WSB1: variants seen among roughly 807,000 people sequenced by gnomAD.
The protein encoded by WSB1 is WD repeat and SOCS box-containing protein 1.
WSB1 carries 23 observed loss-of-function variants against 50.2 expected under a neutral mutation model. That is an observed-to-expected ratio of 0.46 (90% CI 0.33 to 0.65). The LOEUF (loss-of-function observed/expected upper bound fraction) is 0.65, where lower values mean the gene tolerates loss of function less well. WSB1 is among the 30% of genes least tolerant of loss of function. The pLI, the probability that WSB1 is intolerant of heterozygous loss-of-function variation, is 0.02. For missense variants in WSB1, 492 were observed against 522.3 expected (o/e 0.94, Z 0.56); for synonymous variants, 179 against 172.0 (o/e 1.04, Z -0.32).
At chr17:27,309,054 C>G in intron 5 of WSB1, 46 bp from the exon 6 acceptor site, 1 of 1,500,238 alleles carries the variant, frequency 6.7e-7, no homozygotes, top group Non-Finnish European at 8.9e-7. Flanking sequence ...CCATTTTGTC[C>G]TCTGTATGTC....
intron 4 of WSB1, among the ~76,000 whole-genome samples, chr17:27,305,212 A>G (rs1444538068): frequency 6.6e-6 from 1 of 152,336 alleles, no homozygotes; most frequent in East Asian, 1.9e-4. Flanking sequence ...TACAGGAACC[A>G]GTCTGTGTTT....
At chr17:27,307,953 CT>C in intron 5 of WSB1, 1 of 1,249,930 alleles carries the variant, frequency 8.0e-7, no homozygotes, top group Non-Finnish European at 1.0e-6. Context: ...GCTTTTCTTT[CT>C]TTCTTTTTTT....
At chr17:27,304,191 A>T (rs1439091282) in intron 3 of WSB1, among the ~76,000 whole-genome samples, 1 of 152,236 alleles carries the variant, frequency 6.6e-6, no homozygotes, top group African/African-American at 2.4e-5. Context: ...ATTAGAACAT[A>T]ACAAGTGATA....
chr17:27,308,918 T>C, intron 5 of WSB1, 182 bp from the exon 6 acceptor site: 1 of 1,217,292 alleles, frequency 8.2e-7, no homozygotes, highest in South Asian at 3.8e-5. Flanking sequence ...TTTGCATGTC[T>C]GCCTTAATTA....
At chr17:27,311,755 C>G in intron 8 of WSB1, 139 bp downstream of exon 8, 2 of 654,154 alleles carry the variant, frequency 3.1e-6, no homozygotes, top group Non-Finnish European at 5.0e-6. Context: ...CCTCAGCCTC[C>G]CGAGTAGCTG....
chr17:27,298,483 A>C (rs1162480046), intron 1 of WSB1, among the ~76,000 whole-genome samples: 2 of 152,146 alleles, frequency 1.3e-5, no homozygotes, highest in Non-Finnish European at 2.9e-5. Context: ...CGCTTTGGGA[A>C]ACCAAGGTGG....
intron 1 of WSB1, 29 bp downstream of exon 1, chr17:27,294,464 T>G (rs1344371259): frequency 6.2e-7 from 1 of 1,610,726 alleles, no homozygotes; most frequent in Non-Finnish European, 8.5e-7. Context: ...GGTGGGCGCA[T>G]GAGGGCCGAG....
In WSB1 at chr17:27,309,256, A is replaced by G. The variant is rs750382761; in HGVS notation, c.868A>G (p.Ile290Val). The G allele has an allele frequency of 1.9e-6, 3 of 1,606,164 alleles. No homozygotes were observed. The highest frequency in any genetic ancestry group is 2.2e-5 in the East Asian group (1 of 44,680). The change falls in exon 6 of 9, where the codon ATT becomes GTT. Residue 290 changes from isoleucine (I) to valine (V), a missense_variant. Transcript: ENST00000262394. ...VYIWDPHNGD[I>V]LMEFGHLFPP... ...TATCTGGGATCCACATAATGGAGAC[A>G]TTCTGATGGAATTTGGGTGGGTACA...
chr17:27,309,459 T>G (rs149553596), intron 6 of WSB1, among the ~76,000 whole-genome samples, 187 bp downstream of exon 6: 3,025 of 152,322 alleles, frequency 0.02, 54 homozygotes, highest in Middle Eastern at 0.061. Context: ...TTTGGCTCTC[T>G]TGATACAAGT....
chr17:27,308,617 A>T, intron 5 of WSB1: 2 of 985,892 alleles, frequency 2.0e-6, no homozygotes, highest in Non-Finnish European at 2.4e-6. Context: ...CAAGTTGGTG[A>T]CCCAAGCCTA....
intron 1 of WSB1, among the ~76,000 whole-genome samples, chr17:27,296,705 G>A (rs1318526959): frequency 6.6e-6 from 1 of 152,186 alleles, no homozygotes; most frequent in Non-Finnish European, 1.5e-5. Flanking sequence ...CAGATGGTAT[G>A]TTACTGTTTT....
intron 5 of WSB1, chr17:27,308,029 T>G (rs752093595): frequency 4.6e-5 from 55 of 1,208,178 alleles, no homozygotes; most frequent in Non-Finnish European, 5.2e-5. Flanking sequence ...ATTTTCCAGT[T>G]TTATGGAATT....
chr17:27,315,097 A>AT lies in WSB1; in HGVS notation c.*2732dup, dbSNP rs773879550. 1.8e-4 allele frequency: 27 copies of AT among 152,166 alleles called. No homozygotes were observed. Among genetic ancestry groups the AT allele is most frequent in the Non-Finnish European group, 3.2e-4 (22 of 68,040 alleles). The allele number at this position is 152,166 out of a possible 1,614,324, so 9.4% of individuals were successfully genotyped here. A position where few individuals can be genotyped will look rare whatever the true frequency, so the allele number is the denominator to read the frequency against. Reference sequence around the variant, plus strand: ...ATATGTCAAGTAGAAACATGTTTGAATTTTCCATTTGTCTGTGGGGAAGAA... The same window carrying AT: ...ATATGTCAAGTAGAAACATGTTTGAATTTTTCCATTTGTCTGTGGGGAAGAA... On this transcript the variant is annotated 3_prime_UTR_variant, in exon 9 of 9. Coordinates refer to ENST00000262394, the MANE Select transcript of WSB1 (RefSeq NM_015626.10).
intron 4 of WSB1, among the ~76,000 whole-genome samples, chr17:27,306,493 A>G (rs1305210179): frequency 6.6e-6 from 1 of 152,018 alleles, no homozygotes; most frequent in African/African-American, 2.4e-5. Flanking sequence ...GGAATTACAG[A>G]CAAGAGCCAC....
At chr17:27,308,819 G>A (rs937909829) in intron 5 of WSB1, 155 of 1,042,048 alleles carry the variant, frequency 1.5e-4, no homozygotes, top group East Asian at 3.7e-4. Context: ...ATGGATTTCA[G>A]TATAGCTTTG....
chr17:27,303,243 A>G (rs991079609), intron 2 of WSB1, 124 bp from the exon 3 acceptor site: 15 of 1,076,116 alleles, frequency 1.4e-5, no homozygotes, highest in African/African-American at 3.2e-5. Context: ...ATAGGATTCT[A>G]TTGTTATTTG....
chr17:27,299,843 G>A (rs1170610248), intron 1 of WSB1, among the ~76,000 whole-genome samples: 2 of 152,134 alleles, frequency 1.3e-5, no homozygotes, highest in African/African-American at 4.8e-5. Context: ...TCTTAGGTCA[G>A]AATCAGTACT....
chr17:27,295,565 A>G (rs2016922721), intron 1 of WSB1, among the ~76,000 whole-genome samples: 1 of 152,126 alleles, frequency 6.6e-6, no homozygotes. Flanking sequence ...AAAAAGGGAA[A>G]AAATTGTAGC....
chr17:27,301,616 G>C (rs779968966), intron 1 of WSB1, among the ~76,000 whole-genome samples, 172 bp from the exon 2 acceptor site: 13 of 152,090 alleles, frequency 8.5e-5, no homozygotes, highest in Non-Finnish European at 1.9e-4. Context: ...AGTCATTATC[G>C]TTAAGGGGTC....
Sources: allele counts gnomAD v4.1 joint callset (sites outside exome capture counted in the v4.1 genomes callset), GRCh38; gene constraint gnomAD v4.1.1; transcripts MANE v1.5; gene names NCBI Gene and HGNC (gene_info 2026-07-23, HGNC 2026-07-21).